The following TRPM3 variants were observed in gnomAD, a reference collection of about 807,000 sequenced individuals.
TRPM3 encodes transient receptor potential cation channel subfamily M member 3.
TRPM3 carries 77 observed loss-of-function variants against 181.2 expected under a neutral mutation model. That is an observed-to-expected ratio of 0.42 (90% CI 0.35 to 0.51). The LOEUF is 0.51. Among genes scored for constraint, TRPM3 ranks in the 20% least tolerant of loss-of-function variants. The pLI is 0.01. For synonymous variants in TRPM3, 745 were observed against 796.4 expected, an observed-to-expected ratio of 0.94 and a Z score of 1.09; for missense variants, 1,759 against 2,196.7, an observed-to-expected ratio of 0.80 and a Z score of 3.98.
At chr9:70,688,840 A>T (rs755978157) in intron 8 of TRPM3, among the ~76,000 whole-genome samples, 6 of 152,088 alleles carry the variant, frequency 3.9e-5, no homozygotes, top group Non-Finnish European at 8.8e-5. Context: ...TCATGCCCCT[A>T]TGATTCTCTA....
chr9:70,558,536 T>C (rs942366866), intron 22 of TRPM3, among the ~76,000 whole-genome samples: 2 of 152,176 alleles, frequency 1.3e-5, no homozygotes, highest in African/African-American at 4.8e-5. Context: ...GCTGCTCCCC[T>C]TCTTCCCCAA....
chr9:71,173,390 A>G (rs1361757156), intron 1 of TRPM3, among the ~76,000 whole-genome samples: 1 of 152,230 alleles, frequency 6.6e-6, no homozygotes, highest in Non-Finnish European at 1.5e-5. Context: ...TACACTGGAA[A>G]GGATTTGTGA....
At chr9:71,275,468 T>C (rs1464640311) in intron 1 of TRPM3, among the ~76,000 whole-genome samples, 2 of 152,180 alleles carry the variant, frequency 1.3e-5, no homozygotes, top group African/African-American at 2.4e-5. Context: ...ATAAATTTGA[T>C]TGCAATAAAA....
At chr9:70,927,892 A>G (rs1180609510) in intron 1 of TRPM3, among the ~76,000 whole-genome samples, 1 of 152,158 alleles carries the variant, frequency 6.6e-6, no homozygotes, top group African/African-American at 2.4e-5. Flanking sequence ...CTTCCCACCA[A>G]TTAAGTTTCT....
chr9:71,169,738 T>C (rs554501803), intron 1 of TRPM3, among the ~76,000 whole-genome samples: 110 of 152,170 alleles, frequency 7.2e-4, no homozygotes, highest in African/African-American at 2.5e-3. Flanking sequence ...GCGGATCACC[T>C]GAGGTAAGGA....
chr9:70,833,999 A>G (rs1429700399), intron 5 of TRPM3, among the ~76,000 whole-genome samples: 27 of 152,134 alleles, frequency 1.8e-4, no homozygotes, highest in Admixed American at 1.8e-3. Flanking sequence ...GAAAAAAAAG[A>G]AAGGATCTGT....
At chr9:71,446,899 C>T, upstream of TRPM3, 1 of 1,429,834 alleles carries the variant, frequency 7.0e-7, no homozygotes, top group South Asian at 1.4e-5. Flanking sequence ...GGCTCCTCGC[C>T]GCGGGTCTCC....
At chr9:71,178,101 G>T (rs1054200238) in intron 1 of TRPM3, among the ~76,000 whole-genome samples, 46 of 151,912 alleles carry the variant, frequency 3.0e-4, no homozygotes, top group African/African-American at 1.0e-3. Flanking sequence ...GTACACTGTA[G>T]ATAAAATATA....
In TRPM3 at chr9:70,603,465, C is replaced by T. The variant is rs35390807; in HGVS notation, c.2673G>A (p.Ala891=). ...TGAAGAGCATCAGGTATCCGATATA[C>T]GCCAGCTGTAAGGAGACACAATACA... is the stretch of plus-strand genomic sequence containing the variant. ...PIVKFWFYTL[A]YIGYLMLFNY... Residue 891 remains alanine (A), a synonymous_variant, in exon 20 of 26, where the codon GCG becomes GCA. Transcript: ENST00000677713. 3.4e-3 allele frequency: 5,512 copies of T among 1,613,920 alleles called. 143 individuals carry two copies. The African/African-American group carries it at 0.062, about 18-fold the overall frequency.
chr9:71,261,997 G>T (rs1320939653), intron 1 of TRPM3, among the ~76,000 whole-genome samples: 1 of 152,218 alleles, frequency 6.6e-6, no homozygotes, highest in Non-Finnish European at 1.5e-5. Flanking sequence ...ACCCACTTGA[G>T]GAGGCAGTCT....
At chr9:71,436,115 C>T (rs916257308) in intron 1 of TRPM3, among the ~76,000 whole-genome samples, 1 of 152,020 alleles carries the variant, frequency 6.6e-6, no homozygotes, top group African/African-American at 2.4e-5. Context: ...ATAAGCCTCA[C>T]AAAATCTGAT....
chr9:71,188,216 C>A (rs774289133), intron 1 of TRPM3, among the ~76,000 whole-genome samples: 8 of 151,982 alleles, frequency 5.3e-5, no homozygotes, highest in Non-Finnish European at 1.2e-4. Context: ...AAAGACTGCA[C>A]CAATTTATAC....
chr9:70,876,054 A>G (rs1252239846), intron 1 of TRPM3, among the ~76,000 whole-genome samples: 1 of 151,850 alleles, frequency 6.6e-6, no homozygotes, highest in Non-Finnish European at 1.5e-5. Flanking sequence ...GGGTAAAAAT[A>G]TCATAAGCTA....
intron 1 of TRPM3, among the ~76,000 whole-genome samples, chr9:70,951,338 T>C (rs1389399546): frequency 1.3e-5 from 2 of 152,128 alleles, no homozygotes; most frequent in Non-Finnish European, 2.9e-5. Context: ...CTGTACAATT[T>C]TGATTTTTTG....
At chr9:71,243,556 G>C (rs551907492) in intron 1 of TRPM3, among the ~76,000 whole-genome samples, 1 of 152,302 alleles carries the variant, frequency 6.6e-6, no homozygotes, top group Admixed American at 6.5e-5. Context: ...ACCTTTATGA[G>C]AGCAGGAATC....
chr9:71,072,133 T>C (rs996178275), intron 1 of TRPM3, among the ~76,000 whole-genome samples: 1 of 152,196 alleles, frequency 6.6e-6, no homozygotes, highest in Non-Finnish European at 1.5e-5. Context: ...GATTTCTTTA[T>C]ATAGGAAAGC....
At chr9:71,196,406 AT>A (rs2078365837) in intron 1 of TRPM3, among the ~76,000 whole-genome samples, 1 of 151,784 alleles carries the variant, frequency 6.6e-6, no homozygotes, top group South Asian at 2.1e-4. Flanking sequence ...CCTTCATCCC[AT>A]TTTTTAAATT....
At chr9:70,666,031 G>A (rs1175232936) in intron 9 of TRPM3, among the ~76,000 whole-genome samples, 2 of 152,184 alleles carry the variant, frequency 1.3e-5, no homozygotes, top group African/African-American at 4.8e-5. Flanking sequence ...TTCCACAGAG[G>A]CAACCAGAGG....
chr9:70,625,106 C>T lies in TRPM3; in HGVS notation c.1809+85G>A. 6.9e-7 allele frequency: 1 copy of T among 1,459,276 alleles called. No homozygotes were observed. The highest frequency in any genetic ancestry group is 1.4e-5 in the South Asian group (1 of 72,492). The allele number at this position is 1,459,276 out of a possible 1,614,324, so 90.4% of individuals were successfully genotyped here. Reference sequence around the variant, plus strand: ...TCAGCGCAATTTTCTGATTTTAATTCCCCTTGGAGACAAAGAAGCCACAAC... The same window carrying T: ...TCAGCGCAATTTTCTGATTTTAATTTCCCTTGGAGACAAAGAAGCCACAAC... On this transcript the variant is annotated intron_variant, in intron 14 of 25. Coordinates refer to ENST00000677713, the MANE Select transcript of TRPM3 (RefSeq NM_001366145.2). This position sits in a 1 kb window ranked among gnomAD's most constrained non-coding sequence, Gnocchi z 4.8.
Sources: gnomAD v4.1 joint callset for allele counts (sites outside exome capture counted in the v4.1 genomes callset) on GRCh38, gnomAD v4.1.1 for gene constraint, Gnocchi (gnomAD v3.1) non-coding constraint, MANE v1.5 for transcripts, NCBI Gene and HGNC (gene_info 2026-07-23, HGNC 2026-07-21) for gene names.